EPM2A: variants seen among roughly 807,000 people sequenced by gnomAD.
EPM2A encodes the protein laforin.
In EPM2A, 21 loss-of-function variants were observed where a neutral mutation model predicts 26.5. That is an observed-to-expected ratio of 0.79 (90% CI 0.56 to 1.14). The LOEUF is 1.14. Ranked by LOEUF, EPM2A falls within the 50% of genes most tolerant of loss-of-function variation. EPM2A has a pLI of 0.00. For synonymous variants in EPM2A, 217 were observed against 177.6 expected (o/e 1.22, Z -1.76); for missense variants, 458 against 440.8 (o/e 1.04, Z -0.35).
chr6:145,629,095 AC>A (rs1401648273), intron 3 of EPM2A: 1 of 152,220 alleles, frequency 6.6e-6, no homozygotes, highest in East Asian at 1.9e-4. Flanking sequence ...AGCTCTGTTA[AC>A]CCCCTAGTGA....
At chr6:145,385,215 G>C (rs745403543) in intron 4 of EPM2A, among the ~76,000 whole-genome samples, 2 of 147,116 alleles carry the variant, frequency 1.4e-5, no homozygotes, top group Non-Finnish European at 3.0e-5. Flanking sequence ...AACAAATAAT[G>C]CCCTTTTTAA....
intron 2 of EPM2A, among the ~76,000 whole-genome samples, chr6:145,565,943 T>C (rs1029615422): frequency 6.6e-6 from 1 of 152,162 alleles, no homozygotes; most frequent in Non-Finnish European, 1.5e-5. Context: ...TGGAAATCTC[T>C]CCTCTAAGGC....
At chr6:145,602,990 G>T (rs1311588000) in intron 2 of EPM2A, among the ~76,000 whole-genome samples, 1 of 152,158 alleles carries the variant, frequency 6.6e-6, no homozygotes, top group African/African-American at 2.4e-5. Context: ...AATTTTGGAA[G>T]ACAGCTCTGT....
At position 145,523,696 on chromosome 6, in the gene EPM2A, T is replaced by C. The variant is rs1375818624; in HGVS notation, c.341-21121A>G. ...CCCTGAAACACAATAATATTGAAATTAGGCCAAGTAATATCCTACAATGAC... is the reference window on the plus strand; with the variant it reads ...CCCTGAAACACAATAATATTGAAATCAGGCCAAGTAATATCCTACAATGAC... On this transcript the variant is annotated intron_variant, in intron 2 of 3. Coordinates refer to the EPM2A transcript ENST00000450221. Among the ~76,000 whole-genome samples, 4 of 152,300 alleles carry C rather than the reference T, an allele frequency of 2.6e-5. No individual in the cohort carries two copies. In the East Asian group the frequency reaches 7.7e-4, roughly 29 times the overall value.
chr6:145,481,237 A>C (rs950392135), intron 4 of EPM2A, among the ~76,000 whole-genome samples: 23 of 152,170 alleles, frequency 1.5e-4, no homozygotes, highest in African/African-American at 5.1e-4. Context: ...GGATGCCCTC[A>C]AAGATTTCCT....
At chr6:145,698,033 T>C (rs542115993) in intron 1 of EPM2A, among the ~76,000 whole-genome samples, 22 of 152,288 alleles carry the variant, frequency 1.4e-4, no homozygotes, top group African/African-American at 2.2e-4. Context: ...TGTTCAGAGA[T>C]TGCAGTAAAG....
At position 145,590,734 on chromosome 6, in the gene EPM2A, C is replaced by T. The variant is rs546061349; in HGVS notation, c.340+44511G>A. The stretch of plus-strand genomic sequence containing the variant: ...ACAGCAAACATGAAATACATCCTAC[C>T]TCCTGGTCAGATTAATATAAAACCT... On this transcript the variant is annotated intron_variant, in intron 2 of 3. Transcript: ENST00000450221. Among the ~76,000 whole-genome samples the T allele has an allele frequency of 2.0e-5, 3 of 152,158 alleles. 1 individual carries two copies. The South Asian group carries it at 6.2e-4, about 32-fold the overall frequency.
At chr6:145,440,997 T>C (rs1779055194) in intron 4 of EPM2A, among the ~76,000 whole-genome samples, 1 of 152,238 alleles carries the variant, frequency 6.6e-6, no homozygotes, top group African/African-American at 2.4e-5. Context: ...GTAGGGACTC[T>C]GTATGGTGAC....
Position 145,708,351 on chromosome 6 carries a change from T to C in EPM2A, c.302-22055A>G, listed in dbSNP as rs1782343711. On this transcript the variant is annotated intron_variant, in intron 1 of 3. Coordinates refer to ENST00000367519, the MANE Select transcript of EPM2A (RefSeq NM_005670.4). ...GTCTCCAGGGAATGTCAGAGACCTTTGCAGCAGCCCCTCCCATCACAGGCC... is the reference window on the plus strand; with the variant it reads ...GTCTCCAGGGAATGTCAGAGACCTTCGCAGCAGCCCCTCCCATCACAGGCC... Among the ~76,000 whole-genome samples, 9 of 152,258 alleles carry C rather than the reference T, an allele frequency of 5.9e-5. No homozygotes were observed. The South Asian group carries it at 1.9e-3, about 32-fold the overall frequency.
At chr6:145,623,265 A>G (rs75892495), downstream of EPM2A, among the ~76,000 whole-genome samples, 1,595 of 152,352 alleles carry the variant, frequency 0.01, 17 homozygotes, top group Middle Eastern at 0.014. Context: ...TGTAATATGT[A>G]GGCCATTAAT....
intron 2 of EPM2A, among the ~76,000 whole-genome samples, chr6:145,646,625 G>T (rs2128573744): frequency 6.6e-6 from 1 of 152,170 alleles, no homozygotes; most frequent in South Asian, 2.1e-4. Flanking sequence ...TTTTAAGTGT[G>T]AGTGTTCCTT....
intron 1 of EPM2A, among the ~76,000 whole-genome samples, chr6:145,719,145 T>A (rs1190625270): frequency 6.6e-6 from 1 of 151,760 alleles, no homozygotes; most frequent in Non-Finnish European, 1.5e-5. Context: ...GGATTATAAA[T>A]CATGCTGCTA....
At chr6:145,709,430 C>G (rs763310097) in intron 1 of EPM2A, among the ~76,000 whole-genome samples, 9 of 152,250 alleles carry the variant, frequency 5.9e-5, no homozygotes, top group Non-Finnish European at 1.2e-4. Context: ...GAATAAGTCT[C>G]ACGATATCTG....
chr6:145,668,137 A>C (rs976241307), intron 2 of EPM2A, among the ~76,000 whole-genome samples: 1 of 147,748 alleles, frequency 6.8e-6, no homozygotes, highest in Non-Finnish European at 1.5e-5. Context: ...CACAATGTGC[A>C]CATGTACCCT....
At chr6:145,700,314 A>T (rs1355054453) in intron 1 of EPM2A, among the ~76,000 whole-genome samples, 2 of 152,184 alleles carry the variant, frequency 1.3e-5, no homozygotes, top group South Asian at 4.1e-4. Flanking sequence ...TGTCATTAAA[A>T]CAATTTTCAT....
intron 1 of EPM2A, among the ~76,000 whole-genome samples, chr6:145,693,330 T>C (rs867560049): frequency 1.3e-5 from 2 of 152,048 alleles, no homozygotes; most frequent in South Asian, 2.1e-4. Context: ...TGTGAGGTTT[T>C]CTAGGTATAA....
At chr6:145,395,857 A>G (rs753942132) in intron 4 of EPM2A, among the ~76,000 whole-genome samples, 36 of 152,282 alleles carry the variant, frequency 2.4e-4, no homozygotes, top group Non-Finnish European at 4.1e-4. Context: ...TGGGCAGGCT[A>G]CATGGTGGTT....
intron 2 of EPM2A, among the ~76,000 whole-genome samples, chr6:145,589,059 T>C (rs1378580319): frequency 6.6e-6 from 1 of 152,178 alleles, no homozygotes; most frequent in African/African-American, 2.4e-5. Context: ...ACCCTGGCTG[T>C]GATCTAGATC....
chr6:145,643,224 C>A (rs1201413557), intron 2 of EPM2A, among the ~76,000 whole-genome samples: 1 of 152,154 alleles, frequency 6.6e-6, no homozygotes, highest in Non-Finnish European at 1.5e-5. Flanking sequence ...ATCAGGTCTA[C>A]TCTCAATAAA....
Sources: gnomAD v4.1 joint callset for allele counts (sites outside exome capture counted in the v4.1 genomes callset) on GRCh38, gnomAD v4.1.1 for gene constraint, MANE v1.5 for transcripts, NCBI Gene and HGNC (gene_info 2026-07-23, HGNC 2026-07-21) for gene names.